Variants in IL1RL2 observed in about 807,000 individuals in gnomAD.
IL1RL2 encodes the protein interleukin 1 receptor like 2.
A neutral mutation model predicts 66.8 loss-of-function variants in IL1RL2; 68 were observed. That is an observed-to-expected ratio of 1.02 (90% confidence interval 0.84 to 1.25). The LOEUF is 1.25. Among genes scored for constraint, IL1RL2 ranks in the 50% most tolerant of loss-of-function variants. IL1RL2 has a pLI of 0.00. For missense variants in IL1RL2, 729 were observed against 709.3 expected, an observed-to-expected ratio of 1.03 and a Z score of -0.32; for synonymous variants, 305 against 264.6, an observed-to-expected ratio of 1.15 and a Z score of -1.48.
chr2:102,212,137 C>A lies in IL1RL2; in HGVS notation c.687C>A (p.Ile229=), dbSNP rs150242167. ...GATATGGAGGAAGTGTCCCTAAAAT[C>A]ATTTATCCAAAAAATCATTCAATTG... ...RAGYGGSVPK[I]IYPKNHSIEV... The change falls in exon 6 of 12, where the codon ATC becomes ATA. Residue 229 remains isoleucine (I), a synonymous_variant. Coordinates refer to ENST00000264257, the MANE Select transcript of IL1RL2 (RefSeq NM_003854.4). 1 of 1,613,414 alleles carries A rather than the reference C, an allele frequency of 6.2e-7. No individual in the cohort carries two copies. Among genetic ancestry groups the A allele is most frequent in the Admixed American group, 1.7e-5 (1 of 60,010 alleles).
Position 102,189,137 on chromosome 2 carries a change from TA to T in IL1RL2, c.122del (p.Asn41IlefsTer7), listed in dbSNP as rs763266863. The T allele has an allele frequency of 2.5e-6, 4 of 1,614,182 alleles. No homozygotes were observed. Among genetic ancestry groups the T allele is most frequent in the Non-Finnish European group, 3.4e-6 (4 of 1,180,016 alleles). On this transcript the variant is annotated frameshift_variant, in exon 3 of 12. Coordinates refer to ENST00000264257, the MANE Select transcript of IL1RL2 (RefSeq NM_003854.4). LOFTEE classifies it high-confidence loss of function. ...TTTCAGCAAGCCAGCCTTTTGCTTT[TA>T]ATTGTACATTCCCTCCCATAACATC... ...ILSASQPFAFNCTFPPITSGE... is the reference protein window; with the variant it reads ...ILSASQPFAFXCTFPPITSGE...
intron 4 of IL1RL2, among the ~76,000 whole-genome samples, chr2:102,197,535 C>G (rs1324143442): frequency 1.3e-5 from 2 of 152,070 alleles, no homozygotes; most frequent in Non-Finnish European, 2.9e-5. Flanking sequence ...CTGTAGAGGC[C>G]ATAAAACTAA....
At chr2:102,204,112 G>T (rs1688499863) in intron 5 of IL1RL2, among the ~76,000 whole-genome samples, 1 of 151,902 alleles carries the variant, frequency 6.6e-6, no homozygotes, top group African/African-American at 2.4e-5. Flanking sequence ...AAATTTTTCA[G>T]TTTCCTTCTT....
Position 102,239,471 on chromosome 2 carries a change from G to C in IL1RL2, c.*230G>C. 1 of 485,794 alleles carries C rather than the reference G, an allele frequency of 2.1e-6. No individual in the cohort carries two copies. Among genetic ancestry groups the C allele is most frequent in the Non-Finnish European group, 3.8e-6 (1 of 261,390 alleles). The allele number at this position is 485,794 out of a possible 1,614,324, so 30.1% of individuals were successfully genotyped here. The stretch of plus-strand genomic sequence containing the variant: ...TGGTCATGGAGGGTGAGAGCTGGGG[G>C]TTATCCCCATGGTCATGGAGGGTGA... On this transcript the variant is annotated 3_prime_UTR_variant, in exon 12 of 12. Transcript: ENST00000264257.
intron 3 of IL1RL2, among the ~76,000 whole-genome samples, chr2:102,190,804 A>G (rs1687160785): frequency 6.6e-6 from 1 of 152,264 alleles, no homozygotes; most frequent in Non-Finnish European, 1.5e-5. Flanking sequence ...TGTCGAAGCT[A>G]GACTTAAACT....
At chr2:102,205,799 T>A (rs1688652951) in intron 5 of IL1RL2, among the ~76,000 whole-genome samples, 1 of 152,192 alleles carries the variant, frequency 6.6e-6, no homozygotes, top group Non-Finnish European at 1.5e-5. Flanking sequence ...AAGTTCTCTG[T>A]TATCCTTTTG....
Position 102,234,953 on chromosome 2 carries a change from G to T in IL1RL2, c.1354G>T (p.Val452Leu), listed in dbSNP as rs998938997. ...GCTGTGCAGGAGGCTGATTGTCATT[G>T]TGGTCCCCGAATCGCTGGGCTTTGG... ...VKLCRRLIVIVVPESLGFGLL... is the reference protein window; with the variant it reads ...VKLCRRLIVILVPESLGFGLL... The change falls in exon 11 of 12, where the codon GTG (valine) becomes TTG (leucine). Residue 452 changes from valine to leucine, a missense_variant. Physicochemically the swap from Val to Leu is conservative, Grantham distance 32 (BLOSUM62 1). Transcript: ENST00000264257. 17 of 1,614,064 alleles carry T rather than the reference G, an allele frequency of 1.1e-5. No individual in the cohort carries two copies. Among genetic ancestry groups the T allele is most frequent in the Middle Eastern group, 1.6e-4 (1 of 6,084 alleles).
intron 5 of IL1RL2, among the ~76,000 whole-genome samples, chr2:102,209,369 G>T (rs1043190129): frequency 6.6e-6 from 1 of 152,280 alleles, no homozygotes; most frequent in Admixed American, 6.5e-5. Flanking sequence ...TGGGTGGCAC[G>T]CAAATGGTCT....
Position 102,225,813 on chromosome 2 carries a change from G to T in IL1RL2, c.992-85G>T, listed in dbSNP as rs964327310. On this transcript the variant is annotated intron_variant, in intron 8 of 11. Transcript: ENST00000264257. ...CCTTTCCATTTGGCATTCATAATGT[G>T]ATCTGTATTAGTAAAGTATATAATG... The T allele has an allele frequency of 2.8e-5, 29 of 1,039,656 alleles. No homozygotes were observed. The African/African-American group carries it at 3.7e-4, about 13-fold the overall frequency. 64.4% of individuals were successfully genotyped at this position (1,039,656 alleles called of 1,614,324 possible). A position where few individuals can be genotyped will look rare whatever the true frequency, so the allele number is the denominator to read the frequency against.
intron 9 of IL1RL2, among the ~76,000 whole-genome samples, chr2:102,230,519 T>C (rs146162480): frequency 1.6e-3 from 245 of 152,322 alleles, no homozygotes; most frequent in Non-Finnish European, 2.6e-3. Flanking sequence ...TATAAGCTCT[T>C]TGAGCCTCCG....
At chr2:102,207,864 C>T (rs914928817) in intron 5 of IL1RL2, among the ~76,000 whole-genome samples, 15 of 152,150 alleles carry the variant, frequency 9.9e-5, no homozygotes, top group Non-Finnish European at 1.0e-4. Context: ...CTTAGAGACC[C>T]AGAGCACTTT....
downstream of IL1RL2, chr2:102,240,003 T>G (rs1016758280): frequency 1.3e-5 from 2 of 152,260 alleles, no homozygotes; most frequent in African/African-American, 4.8e-5. Flanking sequence ...GCAACATAAA[T>G]CACAATTTTG....
chr2:102,195,573 C>CTTTCTT (rs1360268985), intron 4 of IL1RL2, among the ~76,000 whole-genome samples: 1 of 13,922 alleles, frequency 7.2e-5, no homozygotes, highest in African/African-American at 2.5e-4. Flanking sequence ...TTCTTTCTTT[C>CTTTCTT]TTTCTTTCTT....
intron 3 of IL1RL2, among the ~76,000 whole-genome samples, 194 bp downstream of exon 3, chr2:102,189,504 G>A (rs1687039759): frequency 6.6e-6 from 1 of 152,210 alleles, no homozygotes; most frequent in Non-Finnish European, 1.5e-5. Context: ...AACCTGATAT[G>A]CATCTTTCCC....
intron 9 of IL1RL2, among the ~76,000 whole-genome samples, chr2:102,228,107 T>A (rs1384300426): frequency 2.6e-5 from 4 of 152,188 alleles, no homozygotes; most frequent in Non-Finnish European, 5.9e-5. Flanking sequence ...GTCCTTTTTT[T>A]CTTTATTTTT....
chr2:102,195,565 CTTTCT>C (rs1687609124), intron 4 of IL1RL2, among the ~76,000 whole-genome samples: 1 of 10,280 alleles, frequency 9.7e-5, no homozygotes, highest in South Asian at 4.1e-3. Flanking sequence ...CTTTCTCTTT[CTTTCT>C]TTCTTTCTTT....
intron 9 of IL1RL2, among the ~76,000 whole-genome samples, chr2:102,228,527 AG>A (rs1225666655): frequency 6.6e-6 from 1 of 152,202 alleles, no homozygotes; most frequent in Non-Finnish European, 1.5e-5. Context: ...TTCTCCTGGC[AG>A]GGGTGCATGT....
rs1214211151 is a variant in IL1RL2, at chr2:102,234,956, G to A, written c.1357G>A (p.Val453Ile). 6 of 1,614,044 alleles carry A rather than the reference G, an allele frequency of 3.7e-6. No homozygotes were observed. Among genetic ancestry groups the A allele is most frequent in the Non-Finnish European group, 5.1e-6 (6 of 1,180,044 alleles). ...GTGCAGGAGGCTGATTGTCATTGTG[G>A]TCCCCGAATCGCTGGGCTTTGGCCT... ...KLCRRLIVIVVPESLGFGLLK... is the reference protein window; with the variant it reads ...KLCRRLIVIVIPESLGFGLLK... The change falls in exon 11 of 12, where the codon GTC becomes ATC. Residue 453 changes from valine to isoleucine, a missense_variant. Coordinates refer to ENST00000264257, the MANE Select transcript of IL1RL2 (RefSeq NM_003854.4).
chr2:102,212,292 C>T, intron 6 of IL1RL2, 118 bp downstream of exon 6: 2 of 712,668 alleles, frequency 2.8e-6, no homozygotes, highest in Non-Finnish European at 4.7e-6. Flanking sequence ...CACCCAGTTT[C>T]CAGCTTTGGA....
Sources: allele counts gnomAD v4.1 joint callset (sites outside exome capture counted in the v4.1 genomes callset), GRCh38; gene constraint gnomAD v4.1.1; transcripts MANE v1.5; gene names NCBI Gene and HGNC (gene_info 2026-07-23, HGNC 2026-07-21).